Variants in CSMD2 observed in about 807,000 individuals in gnomAD.
The protein encoded by CSMD2 is CUB and Sushi multiple domains 2.
CSMD2 carries 130 observed loss-of-function variants against 398.5 expected under a neutral mutation model. The observed-to-expected ratio is 0.33, with a 90% confidence interval of 0.28 to 0.38. The LOEUF (loss-of-function observed/expected upper bound fraction) is 0.38, where lower values mean the gene tolerates loss of function less well. Ranked by LOEUF, CSMD2 falls within the 10% of genes least tolerant of loss-of-function variation. CSMD2 has a pLI of 1.00. For synonymous variants in CSMD2, 1,828 were observed against 1,908.5 expected (o/e 0.96, Z 1.10); for missense variants, 3,829 against 4,764.9 (o/e 0.80, Z 5.78).
intron 45 of CSMD2, among the ~76,000 whole-genome samples, chr1:33,586,819 C>G (rs1030479937): frequency 1.3e-5 from 2 of 152,180 alleles, no homozygotes; most frequent in Non-Finnish European, 2.9e-5. Context: ...TTTCATATTC[C>G]AGGACATTTT....
chr1:34,034,741 G>A (rs1650903447), intron 2 of CSMD2, among the ~76,000 whole-genome samples: 1 of 151,938 alleles, frequency 6.6e-6, no homozygotes, highest in Non-Finnish European at 1.5e-5. Context: ...AAACCCCAGA[G>A]GCCTTAAAGG....
chr1:34,106,701 G>T (rs1187028515), intron 1 of CSMD2, among the ~76,000 whole-genome samples: 2 of 152,110 alleles, frequency 1.3e-5, no homozygotes, highest in East Asian at 3.9e-4. Flanking sequence ...TACAAAACGG[G>T]TCTCCTTTTT....
chr1:33,783,231 T>C (rs1000569957), intron 12 of CSMD2, among the ~76,000 whole-genome samples: 1 of 152,080 alleles, frequency 6.6e-6, no homozygotes, highest in Non-Finnish European at 1.5e-5. Flanking sequence ...AGCTTGGTTT[T>C]GGATGGTATT....
At position 33,846,464 on chromosome 1, in the gene CSMD2, T is replaced by G. The variant is rs116209067; in HGVS notation, c.1033+420A>C. Reference sequence around the variant, plus strand: ...GGCTCCAGACTCAAAAGGCAGGAGTTCAGATGGCCTTGGGAAATTGGCTTA... The same window carrying G: ...GGCTCCAGACTCAAAAGGCAGGAGTGCAGATGGCCTTGGGAAATTGGCTTA... On this transcript the variant is annotated intron_variant, in intron 6 of 70. Transcript: ENST00000373381. Among the ~76,000 whole-genome samples the G allele has an allele frequency of 8.5e-3, 1,292 of 152,324 alleles. 14 individuals carry two copies. The highest frequency in any genetic ancestry group is 0.03 in the African/African-American group (1,228 of 41,566).
intron 21 of CSMD2, among the ~76,000 whole-genome samples, chr1:33,710,382 T>C (rs937041109): frequency 2.6e-5 from 4 of 151,770 alleles, no homozygotes; most frequent in Admixed American, 2.6e-4. Flanking sequence ...CTGGATTGTC[T>C]GTAAAATAAA....
At position 33,951,998 on chromosome 1, in the gene CSMD2, C is replaced by T. The variant is rs149877570; in HGVS notation, c.518-16044G>A. 7.1e-3 allele frequency among the ~76,000 whole-genome samples: 1,080 copies of T among 152,322 alleles called. 16 individuals carry two copies. The highest frequency in any genetic ancestry group is 0.024 in the African/African-American group (982 of 41,566). On this transcript the variant is annotated intron_variant, in intron 3 of 70. Coordinates refer to ENST00000373381, the MANE Select transcript of CSMD2 (RefSeq NM_001281956.2). The stretch of plus-strand genomic sequence containing the variant: ...TCAAATGTCACCTCTGGGAAGACAT[C>T]CCCCTCTCCTCCGTGGAGCCAAGTG...
chr1:34,070,865 C>T (rs1483781439), intron 2 of CSMD2, among the ~76,000 whole-genome samples: 1 of 149,280 alleles, frequency 6.7e-6, no homozygotes, highest in Non-Finnish European at 1.5e-5. Flanking sequence ...CGTCCCCGTT[C>T]CTCTTTACTT....
intron 1 of CSMD2, among the ~76,000 whole-genome samples, chr1:34,142,685 C>T (rs1156833875): frequency 6.6e-6 from 1 of 152,218 alleles, no homozygotes; most frequent in African/African-American, 2.4e-5. Context: ...GTAACTCCAA[C>T]ATTTACCAAC....
At chr1:33,764,311 C>T (rs1416500694) in intron 13 of CSMD2, among the ~76,000 whole-genome samples, 3 of 152,250 alleles carry the variant, frequency 2.0e-5, no homozygotes, top group South Asian at 2.1e-4. Flanking sequence ...GGCCCTGGGA[C>T]GCTTCATAGC....
intron 25 of CSMD2, among the ~76,000 whole-genome samples, chr1:33,687,326 ACAAAAGTAGGCTGT>A (rs1645092284): frequency 6.6e-6 from 1 of 152,246 alleles, no homozygotes; most frequent in African/African-American, 2.4e-5. Flanking sequence ...ATTGATAAAA[ACAAAAGTAGGCTGT>A]CAAGAGCAGT....
chr1:34,037,297 C>T (rs1025630658), intron 2 of CSMD2, among the ~76,000 whole-genome samples: 1 of 152,034 alleles, frequency 6.6e-6, no homozygotes, highest in African/African-American at 2.4e-5. Context: ...TGTATTGCAC[C>T]CTCCCCGCCC....
chr1:34,081,924 T>C lies in CSMD2; in HGVS notation c.404+7053A>G, dbSNP rs188520652. On this transcript the variant is annotated intron_variant, in intron 2 of 70. Transcript: ENST00000373381. Reference sequence around the variant, plus strand: ...CAGTCTGGGAAGTGAGGAGCGTCTCTTCCCGGCCGCCACCCCGTCTAGGAA... The same window carrying C: ...CAGTCTGGGAAGTGAGGAGCGTCTCCTCCCGGCCGCCACCCCGTCTAGGAA... 5.2e-3 allele frequency among the ~76,000 whole-genome samples: 791 copies of C among 150,824 alleles called. 6 individuals are homozygous for C. Among genetic ancestry groups the C allele is most frequent in the East Asian group, 0.047 (233 of 4,908 alleles).
chr1:34,016,423 G>A (rs1648125891), intron 3 of CSMD2, among the ~76,000 whole-genome samples: 1 of 151,894 alleles, frequency 6.6e-6, no homozygotes, highest in African/African-American at 2.4e-5. Context: ...CTGTTCCTCT[G>A]TTAGTTTGCT....
rs1646500486 is a variant in CSMD2, at chr1:33,725,504, T to C, written c.2540A>G (p.Glu847Gly). ...TGAGTAAGTCCGCCCATCGCGTACT[T>C]CCAGGGTGTCATAGTTGACCTCGGT... ...FKTEVNYDTL[E>G]VRDGRTYSAP... Residue 847 changes from glutamate (E) to glycine (G), a missense_variant, in exon 17 of 71, where the codon GAA becomes GGA. By Grantham distance (98) the Glu-to-Gly change is moderately conservative. Coordinates refer to ENST00000373381, the MANE Select transcript of CSMD2 (RefSeq NM_001281956.2). 5 of 1,614,070 alleles carry C rather than the reference T, an allele frequency of 3.1e-6. No individual in the cohort carries two copies. The highest frequency in any genetic ancestry group is 1.1e-5 in the South Asian group (1 of 91,082).
chr1:33,778,322 T>G (rs1652265771), intron 12 of CSMD2, among the ~76,000 whole-genome samples: 1 of 152,106 alleles, frequency 6.6e-6, no homozygotes, highest in Admixed American at 6.6e-5. Flanking sequence ...TGGCACCACA[T>G]TCTTTCCCTT....
chr1:33,834,168 A>T (rs1659959170), intron 6 of CSMD2, among the ~76,000 whole-genome samples: 1 of 95,420 alleles, frequency 1.0e-5, no homozygotes. Flanking sequence ...TTCATATGGA[A>T]CCAAAAAAGA....
chr1:33,748,889 T>C (rs1158643712), intron 13 of CSMD2, among the ~76,000 whole-genome samples: 2 of 152,144 alleles, frequency 1.3e-5, no homozygotes, highest in South Asian at 2.1e-4. Flanking sequence ...AAATTGACCT[T>C]ACATTAGGCT....
chr1:33,521,679 C>T lies in CSMD2; in HGVS notation c.10510-129G>A, dbSNP rs1654312695. 42 of 694,822 alleles carry T rather than the reference C, an allele frequency of 6.0e-5. No individual in the cohort carries two copies. The South Asian group carries it at 7.0e-4, about 12-fold the overall frequency. 43.0% of individuals were successfully genotyped at this position (694,822 alleles called of 1,614,324 possible). ...TGCTCTGACACACAGGGTTTGTTCTCTGCCCACACCTAGGCAAGGGTGGGT... is the reference window on the plus strand; with the variant it reads ...TGCTCTGACACACAGGGTTTGTTCTTTGCCCACACCTAGGCAAGGGTGGGT... On this transcript the variant is annotated intron_variant, in intron 67 of 70. Transcript: ENST00000373381.
intron 13 of CSMD2, among the ~76,000 whole-genome samples, chr1:33,757,663 C>T (rs958462391): frequency 9.2e-5 from 14 of 152,194 alleles, no homozygotes; most frequent in Admixed American, 2.6e-4. Context: ...GAGATCCCAC[C>T]GGCACCTCAA....
Sources: allele counts gnomAD v4.1 joint callset (sites outside exome capture counted in the v4.1 genomes callset), GRCh38; gene constraint gnomAD v4.1.1; transcripts MANE v1.5; gene names NCBI Gene and HGNC (gene_info 2026-07-23, HGNC 2026-07-21).